Variants in EPHB2 observed in about 807,000 individuals in gnomAD.
EPHB2 encodes ephrin type-B receptor 2.
In EPHB2, 18 loss-of-function variants were observed where a neutral mutation model predicts 96.4. The ratio of observed to expected loss-of-function variants is 0.19; its 90% CI spans 0.13 to 0.28. EPHB2 has a LOEUF of 0.28. Ranked by LOEUF, EPHB2 falls within the 10% of genes least tolerant of loss-of-function variation. The probability of loss-of-function intolerance (pLI) is 1.00; values close to 1 mark genes in which losing one functional copy is unlikely to be tolerated. For missense variants in EPHB2, 989 were observed against 1,355.4 expected (o/e 0.73, Z 4.25); for synonymous variants, 506 against 534.1 (o/e 0.95, Z 0.72).
At chr1:22,785,127 T>G in intron 3 of EPHB2, 51 bp downstream of exon 3, 2 of 1,606,774 alleles carry the variant, frequency 1.2e-6, no homozygotes, top group Admixed American at 1.7e-5. Flanking sequence ...GAACTGGTCT[T>G]GGCTGCAGAC....
In EPHB2 at chr1:22,710,882, C is replaced by T. The variant is rs1643116220; in HGVS notation, c.-101C>T. On this transcript the variant is annotated 5_prime_UTR_variant, in exon 1 of 16. Coordinates refer to ENST00000374630, the MANE Select transcript of EPHB2 (RefSeq NM_017449.5). ...TGGCGGCGGCTGTGTGTGCGCCGCG[C>T]CTTGCCGCCCCCCCTGGCCCCCCGA... 6.8e-6 allele frequency: 1 copy of T among 146,074 alleles called. No individual in the cohort carries two copies. The highest frequency in any genetic ancestry group is 6.8e-5 in the Admixed American group (1 of 14,732). The allele number at this position is 146,074 out of a possible 1,614,324, so 9.0% of individuals were successfully genotyped here.
rs376268289 is a variant in EPHB2, at chr1:22,855,041, G to A, written c.812-7996G>A. Among the ~76,000 whole-genome samples, 145 of 152,352 alleles carry A rather than the reference G, an allele frequency of 9.5e-4. 1 individual carries two copies. The highest frequency in any genetic ancestry group is 3.4e-3 in the African/African-American group (141 of 41,584). ...AGAATGTAAGAGCCCAGCACTGGGTGTCTGAGCCACCCACAGCTGGAGTCC... is the reference window on the plus strand; with the variant it reads ...AGAATGTAAGAGCCCAGCACTGGGTATCTGAGCCACCCACAGCTGGAGTCC... On this transcript the variant is annotated intron_variant, in intron 3 of 15. Coordinates refer to ENST00000374630, the MANE Select transcript of EPHB2 (RefSeq NM_017449.5).
intron 1 of EPHB2, among the ~76,000 whole-genome samples, chr1:22,714,091 TAG>T (rs1386176156): frequency 1.3e-5 from 2 of 152,058 alleles, no homozygotes; most frequent in Non-Finnish European, 2.9e-5. Context: ...CAAATATCGA[TAG>T]AGTTTCCTCT....
Position 22,917,442 on chromosome 1 carries a change from T to G in EPHB2, c.*3872T>G, listed in dbSNP as rs141093771. Reference sequence around the variant, plus strand: ...CTCTTGCTAGGGAAGATAACGTAAATGCATTCAAAAGACAGGGTACCACAT... The same window carrying G: ...CTCTTGCTAGGGAAGATAACGTAAAGGCATTCAAAAGACAGGGTACCACAT... On this transcript the variant is annotated 3_prime_UTR_variant, in exon 16 of 16. Coordinates refer to ENST00000374630, the MANE Select transcript of EPHB2 (RefSeq NM_017449.5). The G allele has an allele frequency of 2.0e-5, 3 of 152,268 alleles. No individual in the cohort carries two copies. The highest frequency in any genetic ancestry group is 4.4e-5 in the Non-Finnish European group (3 of 68,048). The allele number at this position is 152,268 out of a possible 1,614,324, so 9.4% of individuals were successfully genotyped here.
intron 1 of EPHB2, chr1:22,774,550 C>A (rs1644420845): frequency 1.0e-6 from 1 of 985,100 alleles, no homozygotes; most frequent in Admixed American, 6.2e-5. Flanking sequence ...GGTCAAGTCA[C>A]CAGTGTTCAG....
chr1:22,840,286 T>A (rs1645447250), intron 3 of EPHB2, among the ~76,000 whole-genome samples: 1 of 152,168 alleles, frequency 6.6e-6, no homozygotes, highest in African/African-American at 2.4e-5. Flanking sequence ...CGATGACTAC[T>A]TAAGCACAAG....
rs1645544994 is a variant in EPHB2 at position 22,846,464 on chromosome 1, G to A, written c.812-16573G>A. The stretch of plus-strand genomic sequence containing the variant: ...AAAGAAAGTCCTAGGTCAGGGACCG[G>A]GCAGACTTCTTCCTGATTTCTCCAG... On this transcript the variant is annotated intron_variant, in intron 3 of 15. Transcript: ENST00000374630. This position sits in a 1 kb window ranked among gnomAD's most constrained non-coding sequence, Gnocchi z 4.3. Among the ~76,000 whole-genome samples, 1 of 151,908 alleles carries A rather than the reference G, an allele frequency of 6.6e-6. No individual in the cohort carries two copies. Among genetic ancestry groups the A allele is most frequent in the Non-Finnish European group, 1.5e-5 (1 of 67,990 alleles).
chr1:22,771,240 G>A lies in EPHB2; in HGVS notation c.62-10181G>A, dbSNP rs144630821. Among the ~76,000 whole-genome samples, 269 of 152,288 alleles carry A rather than the reference G, an allele frequency of 1.8e-3. 2 individuals carry two copies. Among genetic ancestry groups the A allele is most frequent in the African/African-American group, 6.2e-3 (259 of 41,550 alleles). On this transcript the variant is annotated intron_variant, in intron 1 of 15. Transcript: ENST00000374630. ...GACAGATGAGTAAAAGAAAGTTGCA[G>A]GACAAGGTGACAAGTATAATGATGG...
chr1:22,795,897 C>T (rs1186973463), intron 3 of EPHB2, among the ~76,000 whole-genome samples: 2 of 152,134 alleles, frequency 1.3e-5, no homozygotes, highest in Non-Finnish European at 2.9e-5. Flanking sequence ...GTTACCATCC[C>T]GCCAACCCAT....
intron 1 of EPHB2, among the ~76,000 whole-genome samples, chr1:22,769,188 G>A (rs1644346351): frequency 6.6e-6 from 1 of 152,166 alleles, no homozygotes. Context: ...TCCTCGTGAA[G>A]CAGGCTATCT....
In EPHB2 at chr1:22,876,777, G is replaced by A. The variant is rs189023151; in HGVS notation, c.1304-5582G>A. ...ATCCAGCTGTTCCCTTTTCTCCGCC[G>A]TTAATCCCCCTGGATTCCAGGAGAA... On this transcript the variant is annotated intron_variant, in intron 5 of 15. Transcript: ENST00000374630. Among the ~76,000 whole-genome samples the A allele has an allele frequency of 7.5e-3, 1,137 of 152,342 alleles. 15 individuals carry two copies. Among genetic ancestry groups the A allele is most frequent in the African/African-American group, 0.025 (1,054 of 41,568 alleles).
At chr1:22,863,350 G>A in intron 4 of EPHB2, 158 bp downstream of exon 4, 1 of 1,218,536 alleles carries the variant, frequency 8.2e-7, no homozygotes, top group Non-Finnish European at 1.2e-6. Flanking sequence ...ATCCTGGGGT[G>A]GCCATGCTCC....
chr1:22,786,818 C>G (rs1644618423), intron 3 of EPHB2, among the ~76,000 whole-genome samples: 1 of 152,176 alleles, frequency 6.6e-6, no homozygotes, highest in Non-Finnish European at 1.5e-5. Flanking sequence ...ACAGGGCATT[C>G]CAGCTTGCAG....
At chr1:22,777,322 T>C (rs1425548661) in intron 1 of EPHB2, among the ~76,000 whole-genome samples, 2 of 152,200 alleles carry the variant, frequency 1.3e-5, no homozygotes. Flanking sequence ...GCCTCAACTT[T>C]CTCATCTATG....
At chr1:22,856,684 C>G (rs772239563) in intron 3 of EPHB2, among the ~76,000 whole-genome samples, 1 of 152,158 alleles carries the variant, frequency 6.6e-6, no homozygotes, top group Non-Finnish European at 1.5e-5. Context: ...CTCCCTGAGC[C>G]TCAGTTTCCT....
intron 1 of EPHB2, among the ~76,000 whole-genome samples, chr1:22,755,434 T>A (rs4655099): frequency 1.1e-4 from 16 of 152,156 alleles, no homozygotes; most frequent in African/African-American, 2.2e-4. Flanking sequence ...CACTGAGGTC[T>A]GAAGAAAGAA....
rs758001973 is a variant in EPHB2, at chr1:22,875,266, C to A, written c.1304-7093C>A. Among the ~76,000 whole-genome samples the A allele has an allele frequency of 6.6e-6, 1 of 152,178 alleles. No individual in the cohort carries two copies. The highest frequency in any genetic ancestry group is 2.1e-4 in the South Asian group (1 of 4,826). On this transcript the variant is annotated intron_variant, in intron 5 of 15. Transcript: ENST00000374630. This position sits in a 1 kb window ranked among gnomAD's most constrained non-coding sequence, Gnocchi z 4.2. ...CGTTGCTACGGGTTTAAGGGACAAACACTCAAAAAGCAGCTGTCCCATGAT... is the reference window on the plus strand; with the variant it reads ...CGTTGCTACGGGTTTAAGGGACAAAAACTCAAAAAGCAGCTGTCCCATGAT...
At chr1:22,792,549 C>A (rs1644709272) in intron 3 of EPHB2, among the ~76,000 whole-genome samples, 1 of 152,164 alleles carries the variant, frequency 6.6e-6, no homozygotes, top group Non-Finnish European at 1.5e-5. Context: ...TCCCCAACTT[C>A]CCCTTTCCTA....
At position 22,919,763 on chromosome 1, in the gene EPHB2, A is replaced by G. The variant is rs867562002; in HGVS notation, c.*6193A>G. On this transcript the variant is annotated 3_prime_UTR_variant, in exon 16 of 16. Coordinates refer to ENST00000374630, the MANE Select transcript of EPHB2 (RefSeq NM_017449.5). The stretch of plus-strand genomic sequence containing the variant: ...ACATACACTCTTGGGGGCCCTGCTG[A>G]GACTGCAAGAGTCATGAATTCTAAC... The G allele has an allele frequency of 6.6e-6, 1 of 152,272 alleles. No individual in the cohort carries two copies. Among genetic ancestry groups the G allele is most frequent in the Non-Finnish European group, 1.5e-5 (1 of 68,044 alleles). The allele number at this position is 152,272 out of a possible 1,614,324, so 9.4% of individuals were successfully genotyped here.
Sources: gnomAD v4.1 joint callset for allele counts (sites outside exome capture counted in the v4.1 genomes callset) on GRCh38, gnomAD v4.1.1 for gene constraint, Gnocchi (gnomAD v3.1) non-coding constraint, MANE v1.5 for transcripts, NCBI Gene and HGNC (gene_info 2026-07-23, HGNC 2026-07-21) for gene names.